BANK1: variants seen among roughly 807,000 people sequenced by gnomAD.
BANK1 encodes the protein B-cell scaffold protein with ankyrin repeats.
BANK1 carries 95 observed loss-of-function variants against 94.5 expected under a neutral mutation model. The ratio of observed to expected loss-of-function variants is 1.00; its 90% CI spans 0.85 to 1.19. The LOEUF (loss-of-function observed/expected upper bound fraction) is 1.19. Among genes scored for constraint, BANK1 ranks in the 50% most tolerant of loss-of-function variants. The pLI, the probability that BANK1 is intolerant of heterozygous loss-of-function variation, is 0.00. For missense variants in BANK1, 987 were observed against 932.2 expected, an observed-to-expected ratio of 1.06 and a Z score of -0.77; for synonymous variants, 334 against 308.4, an observed-to-expected ratio of 1.08 and a Z score of -0.87.
chr4:101,879,773 A>C (rs755351937), intron 5 of BANK1, among the ~76,000 whole-genome samples: 28 of 152,242 alleles, frequency 1.8e-4, no homozygotes, highest in Admixed American at 3.3e-4. Flanking sequence ...TTGGGATGTA[A>C]GGATGTTTCA....
At chr4:102,045,411 A>G (rs1447917059) in intron 11 of BANK1, among the ~76,000 whole-genome samples, 1 of 152,136 alleles carries the variant, frequency 6.6e-6, no homozygotes, top group Non-Finnish European at 1.5e-5. Context: ...CACCACTCCT[A>G]TTCAACATAG....
intron 2 of BANK1, among the ~76,000 whole-genome samples, chr4:101,830,756 A>G (rs1437356641): frequency 6.6e-6 from 1 of 152,184 alleles, no homozygotes; most frequent in East Asian, 1.9e-4. Context: ...CCACAGTTTT[A>G]TTCTGCTAGG....
rs115032373 is a variant in BANK1, at chr4:101,963,573, T to G, written c.1206+45384T>G. 6.7e-3 allele frequency among the ~76,000 whole-genome samples: 1,014 copies of G among 152,224 alleles called. 9 individuals carry two copies. Among genetic ancestry groups the G allele is most frequent in the Middle Eastern group, 0.017 (5 of 294 alleles). ...TTGATATTGCCTGTTTAATTTTAGA[T>G]TAAAGATTGGTTGTGTGGATCTACC... On this transcript the variant is annotated intron_variant, in intron 7 of 16. Transcript: ENST00000322953.
At chr4:101,862,942 T>C (rs1322825036) in intron 4 of BANK1, among the ~76,000 whole-genome samples, 1 of 152,098 alleles carries the variant, frequency 6.6e-6, no homozygotes, top group Non-Finnish European at 1.5e-5. Flanking sequence ...TTTTAATTTA[T>C]GGCAACCACT....
chr4:102,030,944 G>C (rs1251750670), intron 10 of BANK1, among the ~76,000 whole-genome samples: 1 of 151,984 alleles, frequency 6.6e-6, no homozygotes, highest in African/African-American at 2.4e-5. Context: ...TAATACTTTG[G>C]GTATATACCC....
intron 7 of BANK1, among the ~76,000 whole-genome samples, chr4:101,941,064 A>G (rs1356410343): frequency 6.6e-6 from 1 of 151,680 alleles, no homozygotes. Flanking sequence ...TTATATCTGT[A>G]TGAACTCATG....
chr4:102,070,644 G>A (rs1017839651), intron 13 of BANK1, among the ~76,000 whole-genome samples: 6 of 152,168 alleles, frequency 3.9e-5, no homozygotes, highest in African/African-American at 1.2e-4. Flanking sequence ...TTTTAGAAAG[G>A]CAGTGTGATA....
intron 11 of BANK1, among the ~76,000 whole-genome samples, chr4:102,051,569 T>TTAA (rs140896678): frequency 2.3e-3 from 343 of 152,286 alleles, no homozygotes; most frequent in African/African-American, 7.9e-3. Context: ...TTGAGAAAAG[T>TTAA]TAATTGAGAC....
chr4:102,069,902 G>A (rs1728704058), intron 13 of BANK1, among the ~76,000 whole-genome samples: 1 of 152,036 alleles, frequency 6.6e-6, no homozygotes, highest in African/African-American at 2.4e-5. Context: ...AGACACAAAG[G>A]AATACTACAT....
At chr4:101,799,996 C>G (rs1560578993) in intron 1 of BANK1, among the ~76,000 whole-genome samples, 1 of 152,096 alleles carries the variant, frequency 6.6e-6, no homozygotes, top group East Asian at 1.9e-4. Flanking sequence ...ATGGATGAAG[C>G]TGGAAACAAT....
Position 102,060,255 on chromosome 4 carries a change from T to C in BANK1, c.2014T>C (p.Cys672Arg), listed in dbSNP as rs1467539339. The C allele has an allele frequency of 3.1e-6, 5 of 1,605,430 alleles. No individual in the cohort carries two copies. In the Admixed American group the frequency reaches 8.7e-5, roughly 28 times the overall value. ...ESPAFSTLRG[C>R]LTDGQEELIL... is the part of the protein sequence containing the mutation. ...TCCAGCCTTTTCTACTCTCAGGGGC[T>C]GTCTAACTGATGGTCAGGAAGAACT... Residue 672 changes from cysteine (C) to arginine (R), a missense_variant, in exon 12 of 17, where the codon TGT becomes CGT. Physicochemically the swap from Cys to Arg is radical, Grantham distance 180 (BLOSUM62 -3). Transcript: ENST00000322953.
At chr4:101,896,347 A>T (rs1034156151) in intron 6 of BANK1, among the ~76,000 whole-genome samples, 1 of 151,988 alleles carries the variant, frequency 6.6e-6, no homozygotes, top group African/African-American at 2.4e-5. Flanking sequence ...TTAAAAATTA[A>T]TGAGCAGAGT....
At chr4:101,891,603 G>T (rs924819313) in intron 5 of BANK1, among the ~76,000 whole-genome samples, 5 of 151,882 alleles carry the variant, frequency 3.3e-5, no homozygotes, top group Non-Finnish European at 7.4e-5. Context: ...ATCTCTTCCT[G>T]GGACTCTGAT....
At chr4:102,023,030 T>C (rs767156297) in intron 8 of BANK1, among the ~76,000 whole-genome samples, 3 of 152,236 alleles carry the variant, frequency 2.0e-5, no homozygotes, top group African/African-American at 4.8e-5. Context: ...TAATATGATA[T>C]ATTATTTATC....
intron 15 of BANK1, among the ~76,000 whole-genome samples, chr4:102,072,618 G>T (rs1471683838): frequency 6.6e-6 from 1 of 152,086 alleles, no homozygotes; most frequent in African/African-American, 2.4e-5. Context: ...AAGCCACTGA[G>T]GCCAAAGTGT....
intron 1 of BANK1, among the ~76,000 whole-genome samples, chr4:101,822,195 T>TA (rs1726180879): frequency 6.6e-6 from 1 of 151,636 alleles, no homozygotes; most frequent in African/African-American, 2.4e-5. Flanking sequence ...TCTCTACCAT[T>TA]AAAAAAATAC....
intron 7 of BANK1, among the ~76,000 whole-genome samples, chr4:101,965,144 T>TA (rs1421796822): frequency 6.6e-6 from 1 of 151,912 alleles, no homozygotes; most frequent in African/African-American, 2.4e-5. Context: ...ATGTGCCACA[T>TA]AAAGAACAGA....
At chr4:101,868,062 TA>T (rs920422762) in intron 4 of BANK1, among the ~76,000 whole-genome samples, 1 of 151,930 alleles carries the variant, frequency 6.6e-6, no homozygotes, top group East Asian at 1.9e-4. Context: ...ATGTTGTCTA[TA>T]AAAAACTCAA....
At chr4:101,932,142 G>A (rs1723371930) in intron 7 of BANK1, among the ~76,000 whole-genome samples, 1 of 151,388 alleles carries the variant, frequency 6.6e-6, no homozygotes, top group Admixed American at 6.6e-5. Context: ...CAATGTGGAG[G>A]ACAATCCCTC....
Sources: allele counts gnomAD v4.1 joint callset (sites outside exome capture counted in the v4.1 genomes callset), GRCh38; gene constraint gnomAD v4.1.1; transcripts MANE v1.5; gene names NCBI Gene and HGNC (gene_info 2026-07-23, HGNC 2026-07-21).